The following PALS1 variants were observed in gnomAD, a reference collection of about 807,000 sequenced individuals.
The protein encoded by PALS1 is protein PALS1.
Under a neutral mutation model 78.9 loss-of-function variants are expected in PALS1, and 31 were observed. That is an observed-to-expected ratio of 0.39 (90% CI 0.30 to 0.53). The LOEUF (loss-of-function observed/expected upper bound fraction) is 0.53, where lower values mean the gene tolerates loss of function less well. Ranked by LOEUF, PALS1 falls within the 20% of genes least tolerant of loss-of-function variation. The pLI, the probability that PALS1 is intolerant of heterozygous loss-of-function variation, is 0.67. For synonymous variants in PALS1, 276 were observed against 270.9 expected (o/e 1.02, Z -0.18); for missense variants, 704 against 826.5 (o/e 0.85, Z 1.82).
chr14:67,244,036 C>T (rs1440680063), intron 1 of PALS1, among the ~76,000 whole-genome samples: 1 of 152,208 alleles, frequency 6.6e-6, no homozygotes, highest in Admixed American at 6.5e-5. Flanking sequence ...CTCAGGATGT[C>T]TCATTGTTAG....
At chr14:67,246,911 A>G (rs931408740) in intron 1 of PALS1, among the ~76,000 whole-genome samples, 1 of 152,124 alleles carries the variant, frequency 6.6e-6, no homozygotes, top group African/African-American at 2.4e-5. Context: ...CGGCTTCCCA[A>G]AGTGCTGGGA....
chr14:67,255,178 A>G (rs1265523054), intron 1 of PALS1, among the ~76,000 whole-genome samples: 1 of 152,110 alleles, frequency 6.6e-6, no homozygotes, highest in Admixed American at 6.5e-5. Context: ...AATCTCTTAT[A>G]ATGCTTTTTT....
At chr14:67,272,381 A>G (rs1192831497) in intron 2 of PALS1, among the ~76,000 whole-genome samples, 1 of 152,108 alleles carries the variant, frequency 6.6e-6, no homozygotes, top group Non-Finnish European at 1.5e-5. Context: ...GCCTACTTCC[A>G]ACCTCGTTTT....
At chr14:67,249,559 GGA>G (rs1461322816) in intron 1 of PALS1, among the ~76,000 whole-genome samples, 2 of 152,166 alleles carry the variant, frequency 1.3e-5, no homozygotes, top group African/African-American at 4.8e-5. Flanking sequence ...AAATAATTAA[GGA>G]GAGTCAGGTT....
rs1410832202 is a variant in PALS1, at chr14:67,321,218, A to G, written c.1699A>G (p.Ile567Val). Residue 567 changes from isoleucine (I) to valine (V), a missense_variant, in exon 13 of 15, where the codon ATC (isoleucine) becomes GTC (valine). By Grantham distance (29) the Ile-to-Val change is conservative (BLOSUM62 3). Transcript: ENST00000261681. ...GTSIDSVRQVINSGKICLLSL... is the reference protein window; with the variant it reads ...GTSIDSVRQVVNSGKICLLSL... ...TAGCATAGATTCTGTACGGCAAGTG[A>G]TCAACTCTGGCAAAATATGTCTTTT... The G allele has an allele frequency of 6.2e-7, 1 of 1,614,240 alleles. No individual in the cohort carries two copies. Among genetic ancestry groups the G allele is most frequent in the South Asian group, 1.1e-5 (1 of 91,086 alleles).
intron 1 of PALS1, among the ~76,000 whole-genome samples, chr14:67,244,916 C>T (rs546613356): frequency 6.6e-6 from 1 of 152,052 alleles, no homozygotes; most frequent in African/African-American, 2.4e-5. Context: ...CCCAGTGTAT[C>T]ACAGAATCTT....
intron 1 of PALS1, among the ~76,000 whole-genome samples, chr14:67,269,219 A>G (rs1010047175): frequency 6.6e-6 from 1 of 152,188 alleles, no homozygotes; most frequent in East Asian, 1.9e-4. Flanking sequence ...TTATTTTCCA[A>G]TAATGTTTCA....
At position 67,320,309 on chromosome 14, in the gene PALS1, C is replaced by T. The variant is rs776411843; in HGVS notation, c.1449C>T (p.Ile483=). The T allele has an allele frequency of 1.2e-6, 2 of 1,613,588 alleles. No individual in the cohort carries two copies. The highest frequency in any genetic ancestry group is 2.2e-5 in the South Asian group (2 of 91,060). ...CAGCAAATAGGAAGAGACCTATCATCTTGATTGGTCCACAGAACTGTGGCC... is the reference window on the plus strand; with the variant it reads ...CAGCAAATAGGAAGAGACCTATCATTTTGATTGGTCCACAGAACTGTGGCC... The part of the protein sequence containing the change: ...HQPANRKRPI[I]LIGPQNCGQN... The change falls in exon 12 of 15, where the codon ATC becomes ATT. Residue 483 remains isoleucine (I), a synonymous_variant. Transcript: ENST00000261681.
chr14:67,303,685 GT>G, intron 8 of PALS1, 86 bp downstream of exon 8: 1 of 910,904 alleles, frequency 1.1e-6, no homozygotes, highest in Non-Finnish European at 1.8e-6. Flanking sequence ...AAATGTCACT[GT>G]TTCCTGTACT....
chr14:67,290,760 C>T (rs568390502), intron 3 of PALS1, among the ~76,000 whole-genome samples: 309 of 152,120 alleles, frequency 2.0e-3, no homozygotes, highest in African/African-American at 7.0e-3. Flanking sequence ...GTCTCCACCT[C>T]CTGGACTCAA....
Position 67,323,811 on chromosome 14 carries a change from A to C in PALS1, c.1850A>C (p.Lys617Thr). ...ALLAKEGKNP[K>T]PEELREIIEK... Reference sequence around the variant, plus strand: ...TTGGCCAAAGAAGGCAAGAATCCAAAGGTAAAGTTTTCACACTATTGTACT... The same window carrying C: ...TTGGCCAAAGAAGGCAAGAATCCAACGGTAAAGTTTTCACACTATTGTACT... Residue 617 changes from lysine to threonine, a missense_variant and splice_region_variant, in exon 14 of 15, where the codon AAG (lysine) becomes ACG (threonine). Transcript: ENST00000261681. The C allele has an allele frequency of 6.6e-7, 1 of 1,526,046 alleles. No homozygotes were observed. The highest frequency in any genetic ancestry group is 9.0e-7 in the Non-Finnish European group (1 of 1,112,498). 94.5% of individuals were successfully genotyped at this position (1,526,046 alleles called of 1,614,324 possible).
rs531333560 is a variant in PALS1, at chr14:67,263,004, G to A, written c.-236-6697G>A. On this transcript the variant is annotated intron_variant, in intron 1 of 14. Coordinates refer to ENST00000261681, the MANE Select transcript of PALS1 (RefSeq NM_022474.4). The stretch of plus-strand genomic sequence containing the variant: ...TTTTAGATACATTTAATCTTTTATT[G>A]CTAAGGAGTTGAAGGTGATAATAGA... Among the ~76,000 whole-genome samples, 20 of 152,012 alleles carry A rather than the reference G, an allele frequency of 1.3e-4. 1 individual carries two copies. Among genetic ancestry groups the A allele is most frequent in the Admixed American group, 5.2e-4 (8 of 15,258 alleles).
intron 4 of PALS1, among the ~76,000 whole-genome samples, chr14:67,295,489 C>CAA (rs149488871): frequency 1.0e-3 from 113 of 113,226 alleles, no homozygotes; most frequent in African/African-American, 2.3e-3. Flanking sequence ...GACCCTGTCT[C>CAA]AAAAAAAAAA....
chr14:67,295,160 AATAT>A (rs1193342920), intron 4 of PALS1, among the ~76,000 whole-genome samples: 1 of 151,072 alleles, frequency 6.6e-6, no homozygotes, highest in Non-Finnish European at 1.5e-5. Context: ...TTGTCTATGA[AATAT>A]ATAAAGAACT....
chr14:67,320,478 TTTATTCATTTCA>T (rs1335679852), intron 12 of PALS1, 81 bp downstream of exon 12: 14 of 1,314,938 alleles, frequency 1.1e-5, no homozygotes, highest in Non-Finnish European at 1.4e-5. Context: ...AGGGAAATTT[TTTATTCATTTCA>T]TTAAAACACT....
At position 67,312,779 on chromosome 14, in the gene PALS1, A is replaced by C. The variant is rs1052686326; in HGVS notation, c.1225+69A>C. On this transcript the variant is annotated intron_variant, in intron 9 of 14. Coordinates refer to ENST00000261681, the MANE Select transcript of PALS1 (RefSeq NM_022474.4). ...TTGAAAATGCAAGCCTTCACAAAGAAAAACTCACTCTTTCATGCCTCTATT... is the reference window on the plus strand; with the variant it reads ...TTGAAAATGCAAGCCTTCACAAAGACAAACTCACTCTTTCATGCCTCTATT... The C allele has an allele frequency of 5.7e-6, 7 of 1,221,154 alleles. No individual in the cohort carries two copies. The African/African-American group carries it at 1.1e-4, about 19-fold the overall frequency. The allele number at this position is 1,221,154 out of a possible 1,614,324, so 75.6% of individuals were successfully genotyped here.
At chr14:67,261,514 CTAT>C (rs2084236923) in intron 1 of PALS1, among the ~76,000 whole-genome samples, 1 of 151,954 alleles carries the variant, frequency 6.6e-6, no homozygotes, top group African/African-American at 2.4e-5. Context: ...TAACAGGAGT[CTAT>C]TATATTTTTA....
At chr14:67,280,373 AT>A (rs1453073163) in intron 3 of PALS1, among the ~76,000 whole-genome samples, 1 of 152,186 alleles carries the variant, frequency 6.6e-6, no homozygotes, top group African/African-American at 2.4e-5. Context: ...GTGAAAAAAG[AT>A]ATATTTCTAC....
At chr14:67,278,673 A>G (rs1054469645) in intron 2 of PALS1, among the ~76,000 whole-genome samples, 1 of 152,244 alleles carries the variant, frequency 6.6e-6, no homozygotes, top group South Asian at 2.1e-4. Context: ...AAAGATGATT[A>G]AAACACCTTT....
Sources: allele counts gnomAD v4.1 joint callset (sites outside exome capture counted in the v4.1 genomes callset), GRCh38; gene constraint gnomAD v4.1.1; transcripts MANE v1.5; gene names NCBI Gene and HGNC (gene_info 2026-07-23, HGNC 2026-07-21).